MCOLN3: variants seen among roughly 807,000 people sequenced by gnomAD.
MCOLN3 encodes the protein mucolipin-3.
MCOLN3 carries 62 observed loss-of-function variants against 69.4 expected under a neutral mutation model. That is an observed-to-expected ratio of 0.89 (90% CI 0.73 to 1.10). The LOEUF (loss-of-function observed/expected upper bound fraction) is 1.10. Among genes scored for constraint, MCOLN3 ranks in the 50% least tolerant of loss-of-function variants. The pLI is 0.00. For missense variants in MCOLN3, 564 were observed against 656.4 expected, an observed-to-expected ratio of 0.86 and a Z score of 1.54; for synonymous variants, 183 against 217.0, an observed-to-expected ratio of 0.84 and a Z score of 1.38.
chr1:85,045,237 G>C lies in MCOLN3; in HGVS notation c.124C>G (p.Leu42Val), dbSNP rs759477296. The stretch of plus-strand genomic sequence containing the variant: ...CAGGGATTCATGAAAAAAAATTTGA[G>C]TTTTCGCCTCATCTGGTCTTCTAAT... Reference protein sequence around the residue: ...LLLEDQMRRKLKFFFMNPCEK... With the variant: ...LLLEDQMRRKVKFFFMNPCEK... Residue 42 changes from leucine to valine, a missense_variant, in exon 2 of 13, where the codon CTC (leucine) becomes GTC (valine). Coordinates refer to ENST00000370589, the MANE Select transcript of MCOLN3 (RefSeq NM_018298.11). 3.7e-6 allele frequency: 6 copies of C among 1,614,080 alleles called. No individual in the cohort carries two copies. The highest frequency in any genetic ancestry group is 5.1e-6 in the Non-Finnish European group (6 of 1,179,994).
intron 3 of MCOLN3, among the ~76,000 whole-genome samples, chr1:85,039,658 G>C (rs1652964117): frequency 6.6e-6 from 1 of 152,160 alleles, no homozygotes; most frequent in South Asian, 2.1e-4. Flanking sequence ...CTGAGTCTAG[G>C]TCTACGAATA....
chr1:85,022,215 T>C (rs1248628189), intron 10 of MCOLN3, 23 bp from the exon 11 acceptor site: 2 of 1,613,740 alleles, frequency 1.2e-6, no homozygotes, highest in African/African-American at 2.7e-5. Flanking sequence ...GAGAGGCCAT[T>C]AGAATGGTTT....
intron 1 of MCOLN3, among the ~76,000 whole-genome samples, chr1:85,046,299 AT>A (rs1157973443): frequency 1.0e-4 from 1 of 9,816 alleles, no homozygotes; most frequent in African/African-American, 2.4e-4. Flanking sequence ...AGTACTTCAT[AT>A]CTATTTGGGG....
rs1019417486 is a variant in MCOLN3, at chr1:85,045,309, T to C, written c.52A>G (p.Asn18Asp). The C allele has an allele frequency of 6.2e-7, 1 of 1,614,144 alleles. No individual in the cohort carries two copies. The change falls in exon 2 of 13, where the codon AAT becomes GAT. Residue 18 changes from asparagine (N) to aspartate (D), a missense_variant. Coordinates refer to ENST00000370589, the MANE Select transcript of MCOLN3 (RefSeq NM_018298.11). ...GTTTGCTGGTTAAAATTGCAGCGAT[T>C]TTCCTCTTCATGAGAGCTGCAGCTA... ...VSSCSSHEEE[N>D]RCNFNQQTSP...
At chr1:85,046,497 G>A (rs1272954016) in intron 1 of MCOLN3, among the ~76,000 whole-genome samples, 1 of 152,068 alleles carries the variant, frequency 6.6e-6, no homozygotes, top group African/African-American at 2.4e-5. Flanking sequence ...AATGAGTAGC[G>A]TCCTTCCATA....
chr1:85,031,010 T>C (rs188377400), intron 6 of MCOLN3, among the ~76,000 whole-genome samples: 3 of 152,176 alleles, frequency 2.0e-5, no homozygotes, highest in East Asian at 1.9e-4. Flanking sequence ...CGGTGGCTCA[T>C]GCCTGTAATT....
chr1:85,022,222 GT>G (rs1258593747), intron 10 of MCOLN3, 30 bp from the exon 11 acceptor site: 15 of 1,613,862 alleles, frequency 9.3e-6, no homozygotes, highest in Middle Eastern at 1.7e-4. Flanking sequence ...CATTAGAATG[GT>G]TTTGTCCTTT....
At chr1:85,022,603 C>G in intron 9 of MCOLN3, 1 of 437,840 alleles carries the variant, frequency 2.3e-6, no homozygotes, top group Non-Finnish European at 4.1e-6. Flanking sequence ...AACTTTGGGA[C>G]ACTTGCTGCT....
chr1:85,022,267 C>T (rs1571086651), intron 10 of MCOLN3, 32 bp downstream of exon 10: 1 of 1,613,690 alleles, frequency 6.2e-7, no homozygotes. Context: ...GAGAGAAATA[C>T]CAACAGCATG....
In MCOLN3 at chr1:85,037,725, A is replaced by C. The variant is rs539119698; in HGVS notation, c.396+3285T>G. ...CAGCTAGAGGGCAGCTCTAGAGCCC[A>C]AGACAGAGGGTTACGGGACAGAAAT... On this transcript the variant is annotated intron_variant, in intron 3 of 12. Transcript: ENST00000370589. Among the ~76,000 whole-genome samples, 22 of 152,330 alleles carry C rather than the reference A, an allele frequency of 1.4e-4. No homozygotes were observed. The South Asian group carries it at 3.1e-3, about 21-fold the overall frequency.
chr1:85,041,870 C>CA (rs11446470), intron 2 of MCOLN3, among the ~76,000 whole-genome samples: 45,941 of 69,602 alleles, frequency 0.66, 14,885 homozygotes, highest in Non-Finnish European at 0.7. Flanking sequence ...AACTACGTCT[C>CA]AAAAAAAAAA....
At position 85,026,270 on chromosome 1, in the gene MCOLN3, G is replaced by A. The variant is rs141564221; in HGVS notation, c.847C>T (p.His283Tyr). 6 of 1,612,546 alleles carry A rather than the reference G, an allele frequency of 3.7e-6. No homozygotes were observed. Among genetic ancestry groups the A allele is most frequent in the Admixed American group, 1.7e-5 (1 of 60,018 alleles). ...AAGGCATCAAAGATCATCATGTAAT[G>A]AGTGTTCTTCTGAACTGAAAGCAAA... ...HVSGSIQKNT[H>Y]YMMIFDAFVI... The change falls in exon 8 of 13, where the codon CAT becomes TAT. Residue 283 changes from histidine (H) to tyrosine (Y), a missense_variant. Coordinates refer to ENST00000370589, the MANE Select transcript of MCOLN3 (RefSeq NM_018298.11).
chr1:85,030,859 C>G (rs938446780), intron 6 of MCOLN3, among the ~76,000 whole-genome samples: 2 of 152,156 alleles, frequency 1.3e-5, no homozygotes, highest in African/African-American at 4.8e-5. Flanking sequence ...ACCTACAATT[C>G]TATAGCCAAG....
At chr1:85,041,409 A>G (rs1396088384) in intron 2 of MCOLN3, among the ~76,000 whole-genome samples, 1 of 152,322 alleles carries the variant, frequency 6.6e-6, no homozygotes, top group East Asian at 1.9e-4. Context: ...AAAATAGAAA[A>G]TACCCTTTCA....
At chr1:85,039,405 G>A (rs1652953527) in intron 3 of MCOLN3, among the ~76,000 whole-genome samples, 1 of 152,200 alleles carries the variant, frequency 6.6e-6, no homozygotes, top group Non-Finnish European at 1.5e-5. Context: ...CATCATGTAA[G>A]AATACAGCAA....
At chr1:85,027,043 C>T (rs971928243) in intron 7 of MCOLN3, among the ~76,000 whole-genome samples, 4 of 151,930 alleles carry the variant, frequency 2.6e-5, no homozygotes, top group African/African-American at 9.7e-5. Flanking sequence ...CATGAGCCAC[C>T]ATGCCCAGGC....
Position 85,026,238 on chromosome 1 carries a change from A to G in MCOLN3, c.879T>C (p.Ile293=), listed in dbSNP as rs200876806. 278 of 1,614,194 alleles carry G rather than the reference A, an allele frequency of 1.7e-4. 2 individuals are homozygous for G. The East Asian group carries it at 3.7e-3, about 21-fold the overall frequency. ...GGATTAATGAAACCAAGCAAGTCAG[A>G]ATGACAAAGGCATCAAAGATCATCA... The part of the protein sequence containing the change: ...HYMMIFDAFV[I]LTCLVSLILC... Residue 293 remains isoleucine, a synonymous_variant, in exon 8 of 13, where the codon ATT becomes ATC. Coordinates refer to ENST00000370589, the MANE Select transcript of MCOLN3 (RefSeq NM_018298.11).
intron 3 of MCOLN3, among the ~76,000 whole-genome samples, chr1:85,037,490 T>G (rs1652854152): frequency 6.6e-6 from 1 of 152,238 alleles, no homozygotes. Flanking sequence ...TTAAACCTTT[T>G]AAGTTCTTGA....
intron 9 of MCOLN3, chr1:85,022,825 C>T (rs1271970919): frequency 2.3e-5 from 4 of 175,608 alleles, no homozygotes; most frequent in African/African-American, 7.2e-5. Context: ...GATATTGCAT[C>T]TGGCTGGAGT....
Sources: allele counts gnomAD v4.1 joint callset (sites outside exome capture counted in the v4.1 genomes callset), GRCh38; gene constraint gnomAD v4.1.1; transcripts MANE v1.5; gene names NCBI Gene and HGNC (gene_info 2026-07-23, HGNC 2026-07-21).